Variants in CCDC178 observed in about 807,000 individuals in gnomAD.
CCDC178 encodes the protein coiled-coil domain-containing protein 178.
CCDC178 carries 126 observed loss-of-function variants against 117.4 expected under a neutral mutation model. That is an observed-to-expected ratio of 1.07 (90% CI 0.93 to 1.24). The LOEUF (loss-of-function observed/expected upper bound fraction) is 1.24. Among genes scored for constraint, CCDC178 ranks in the 50% most tolerant of loss-of-function variants. The pLI, the probability that CCDC178 is intolerant of heterozygous loss-of-function variation, is 0.00. For synonymous variants in CCDC178, 283 were observed against 313.4 expected (o/e 0.90, Z 1.02); for missense variants, 1,030 against 986.9 (o/e 1.04, Z -0.59).
At chr18:33,347,686 A>T (rs532321898) in intron 8 of CCDC178, among the ~76,000 whole-genome samples, 1 of 152,260 alleles carries the variant, frequency 6.6e-6, no homozygotes, top group East Asian at 1.9e-4. Context: ...ATATATGAAT[A>T]AATTAATACC....
At chr18:33,405,554 T>C (rs781315592) in intron 3 of CCDC178, among the ~76,000 whole-genome samples, 8 of 151,830 alleles carry the variant, frequency 5.3e-5, no homozygotes, top group Non-Finnish European at 1.2e-4. Context: ...GATACTCTCA[T>C]AAACAAAAAA....
At chr18:33,082,368 G>A (rs922927451) in intron 21 of CCDC178, among the ~76,000 whole-genome samples, 27 of 152,060 alleles carry the variant, frequency 1.8e-4, no homozygotes, top group African/African-American at 6.5e-4. Flanking sequence ...GCTACTCAGG[G>A]GGCTGAGGTG....
At chr18:33,278,589 T>A (rs1344155699) in intron 12 of CCDC178, among the ~76,000 whole-genome samples, 1 of 152,010 alleles carries the variant, frequency 6.6e-6, no homozygotes, top group Non-Finnish European at 1.5e-5. Context: ...TATTCTATCA[T>A]ATACAAAACA....
intron 9 of CCDC178, among the ~76,000 whole-genome samples, chr18:33,339,288 T>C (rs1307819301): frequency 5.3e-5 from 8 of 151,716 alleles, no homozygotes; most frequent in Admixed American, 2.0e-4. Flanking sequence ...TAGTAATCAA[T>C]AAAGGAAGCA....
At chr18:33,044,045 ATATG>A (rs2056598853) in intron 21 of CCDC178, among the ~76,000 whole-genome samples, 1 of 147,800 alleles carries the variant, frequency 6.8e-6, no homozygotes, top group African/African-American at 2.6e-5. Context: ...ACACACCAGC[ATATG>A]TGTGTGTGTG....
At chr18:33,352,381 T>C (rs1252716512) in intron 7 of CCDC178, among the ~76,000 whole-genome samples, 1 of 152,158 alleles carries the variant, frequency 6.6e-6, no homozygotes, top group Non-Finnish European at 1.5e-5. Context: ...AAACCTTTTG[T>C]TTTAATTGAT....
intron 2 of CCDC178, among the ~76,000 whole-genome samples, chr18:33,423,373 AT>A (rs2064059689): frequency 6.6e-6 from 1 of 152,162 alleles, no homozygotes; most frequent in African/African-American, 2.4e-5. Context: ...CTGTAAAAAA[AT>A]TCGACATAAT....
At chr18:33,324,490 G>A (rs754143632) in intron 10 of CCDC178, among the ~76,000 whole-genome samples, 51 of 151,868 alleles carry the variant, frequency 3.4e-4, no homozygotes, top group Admixed American at 7.9e-4. Flanking sequence ...ATTAATATTG[G>A]TTGCCAAATT....
intron 14 of CCDC178, among the ~76,000 whole-genome samples, chr18:33,256,363 G>A (rs2144730851): frequency 6.6e-6 from 1 of 152,140 alleles, no homozygotes; most frequent in South Asian, 2.1e-4. Flanking sequence ...GAACAGGGCA[G>A]AAGAGGTTGA....
chr18:33,267,347 T>C (rs755120960), intron 12 of CCDC178, 50 bp from the exon 13 acceptor site: 2 of 1,012,318 alleles, frequency 2.0e-6, no homozygotes, highest in South Asian at 3.3e-5. Context: ...CTTTTCATCC[T>C]TCCATAAGGT....
chr18:33,336,803 T>C (rs2062746042), intron 9 of CCDC178, among the ~76,000 whole-genome samples: 2 of 152,082 alleles, frequency 1.3e-5, no homozygotes, highest in African/African-American at 4.8e-5. Context: ...TATGGCCTTA[T>C]AGTATAGTTT....
chr18:33,375,181 T>C (rs752264985), intron 5 of CCDC178, among the ~76,000 whole-genome samples: 25 of 152,182 alleles, frequency 1.6e-4, no homozygotes, highest in Non-Finnish European at 2.9e-4. Context: ...AATAACCTTG[T>C]ATCGTTCTCC....
In CCDC178 at chr18:33,333,403, A is replaced by C. The variant is rs765712770; in HGVS notation, c.659-9T>G. On this transcript the variant is annotated splice_polypyrimidine_tract_variant and intron_variant, in intron 9 of 22. Transcript: ENST00000383096. ...CAAATAGGCCTCATGTTCTAGATAT[A>C]GAAGGATAAGAACAAAAGAAAATCT... The C allele has an allele frequency of 2.1e-6, 3 of 1,443,838 alleles. No homozygotes were observed. Among genetic ancestry groups the C allele is most frequent in the Non-Finnish European group, 2.9e-6 (3 of 1,046,986 alleles). 89.4% of individuals were successfully genotyped at this position (1,443,838 alleles called of 1,614,324 possible).
intron 12 of CCDC178, among the ~76,000 whole-genome samples, chr18:33,286,839 TA>T (rs1277068239): frequency 6.6e-6 from 1 of 152,204 alleles, no homozygotes; most frequent in Non-Finnish European, 1.5e-5. Flanking sequence ...AAATCAGATA[TA>T]AATGCCTTTT....
At chr18:32,962,611 T>C (rs1313337703) in intron 22 of CCDC178, among the ~76,000 whole-genome samples, 1 of 152,132 alleles carries the variant, frequency 6.6e-6, no homozygotes, top group African/African-American at 2.4e-5. Flanking sequence ...TTTTTTCTGA[T>C]AAGATGTTAG....
chr18:33,136,272 T>G (rs1186623815), intron 20 of CCDC178, among the ~76,000 whole-genome samples: 1 of 152,184 alleles, frequency 6.6e-6, no homozygotes, highest in Non-Finnish European at 1.5e-5. Context: ...CCACGTACCT[T>G]GAAAAACTAC....
intron 20 of CCDC178, among the ~76,000 whole-genome samples, chr18:33,094,677 A>G (rs990408126): frequency 1.3e-5 from 2 of 151,944 alleles, no homozygotes; most frequent in Non-Finnish European, 2.9e-5. Flanking sequence ...ACTTTGCTCA[A>G]TGTTTAATAT....
chr18:33,123,965 C>G (rs554400713), intron 20 of CCDC178, among the ~76,000 whole-genome samples: 16 of 152,196 alleles, frequency 1.1e-4, no homozygotes, highest in African/African-American at 3.4e-4. Flanking sequence ...AATAATGGAG[C>G]GTGTCTCTGC....
chr18:33,154,772 G>GA (rs1437038033), intron 20 of CCDC178, among the ~76,000 whole-genome samples: 90 of 152,142 alleles, frequency 5.9e-4, no homozygotes, highest in African/African-American at 2.1e-3. Context: ...GACAAAACTT[G>GA]CATTAAGACA....
Sources: gnomAD v4.1 joint callset for allele counts (sites outside exome capture counted in the v4.1 genomes callset) on GRCh38, gnomAD v4.1.1 for gene constraint, MANE v1.5 for transcripts, NCBI Gene and HGNC (gene_info 2026-07-23, HGNC 2026-07-21) for gene names.